Variants in SEMA3A observed in about 807,000 individuals in gnomAD.
The protein encoded by SEMA3A is semaphorin 3A.
Under a neutral mutation model 97.9 loss-of-function variants are expected in SEMA3A, and 29 were observed. That is an observed-to-expected ratio of 0.30 (90% CI 0.22 to 0.40). The LOEUF is 0.40. Ranked by LOEUF, SEMA3A falls within the 10% of genes least tolerant of loss-of-function variation. The pLI is 1.00. For synonymous variants in SEMA3A, 321 were observed against 323.7 expected, an observed-to-expected ratio of 0.99 and a Z score of 0.09; for missense variants, 763 against 951.3, an observed-to-expected ratio of 0.80 and a Z score of 2.60.
chr7:83,988,586 A>G (rs1239166169), intron 12 of SEMA3A, among the ~76,000 whole-genome samples: 1 of 152,178 alleles, frequency 6.6e-6, no homozygotes, highest in African/African-American at 2.4e-5. Flanking sequence ...AACAAATTTA[A>G]GACAATCTGT....
At chr7:84,389,305 T>G (rs900721691) in intron 1 of SEMA3A, among the ~76,000 whole-genome samples, 3 of 152,082 alleles carry the variant, frequency 2.0e-5, no homozygotes, top group Non-Finnish European at 4.4e-5. Context: ...CTTCTCCCCA[T>G]GTCAACGTGA....
intron 4 of SEMA3A, among the ~76,000 whole-genome samples, chr7:84,095,609 T>C (rs1794750976): frequency 6.6e-6 from 1 of 151,254 alleles, no homozygotes; most frequent in Non-Finnish European, 1.5e-5. Context: ...ACTAAACCTT[T>C]ATTCTAACAG....
intron 1 of SEMA3A, among the ~76,000 whole-genome samples, chr7:84,167,846 T>C (rs1010044425): frequency 6.6e-5 from 10 of 152,184 alleles, no homozygotes; most frequent in Non-Finnish European, 1.5e-4. Flanking sequence ...ATATTGAGAC[T>C]AATTTGATGT....
intron 15 of SEMA3A, among the ~76,000 whole-genome samples, chr7:83,975,709 T>C (rs1789122405): frequency 1.3e-5 from 2 of 152,172 alleles, no homozygotes. Context: ...TCCTGATTCT[T>C]TTACTTCCAG....
In SEMA3A at chr7:84,008,485, C is replaced by T. The variant is rs1409277916; in HGVS notation, c.996-988G>A. On this transcript the variant is annotated intron_variant, in intron 9 of 16. Coordinates refer to ENST00000265362, the MANE Select transcript of SEMA3A (RefSeq NM_006080.3). ...CAGCCTGGGCTACAGAACAAGACTC[C>T]GTCTCAAAAAAAAAAAAAAAAAAGA... 1.8e-4 allele frequency among the ~76,000 whole-genome samples: 19 copies of T among 108,304 alleles called. No homozygotes were observed. In the Admixed American group the frequency reaches 2.0e-3, roughly 11 times the overall value. The allele number at this position is 108,304 out of a possible 152,430, so 71.1% of individuals were successfully genotyped here.
chr7:84,063,199 G>C (rs1378978905), intron 4 of SEMA3A, among the ~76,000 whole-genome samples: 1 of 151,622 alleles, frequency 6.6e-6, no homozygotes, highest in African/African-American at 2.4e-5. Context: ...CAGACCTGCA[G>C]CTGAGGGTCC....
chr7:84,145,620 T>C (rs1266389220), intron 1 of SEMA3A, among the ~76,000 whole-genome samples: 1 of 152,192 alleles, frequency 6.6e-6, no homozygotes, highest in Non-Finnish European at 1.5e-5. Context: ...ATGGCTAATA[T>C]TTTTTCATTC....
intron 1 of SEMA3A, among the ~76,000 whole-genome samples, chr7:84,409,844 T>C (rs1804210656): frequency 6.6e-6 from 1 of 152,238 alleles, no homozygotes; most frequent in Non-Finnish European, 1.5e-5. Context: ...TTATAAAACT[T>C]ATGTACAAAT....
intron 2 of SEMA3A, among the ~76,000 whole-genome samples, chr7:84,344,244 T>A (rs886554709): frequency 6.6e-6 from 1 of 152,128 alleles, no homozygotes; most frequent in Non-Finnish European, 1.5e-5. Context: ...CCAGCTAATG[T>A]TGCATAACAA....
chr7:84,057,789 T>TAAATAAAG (rs1395920010), intron 5 of SEMA3A, among the ~76,000 whole-genome samples: 14 of 151,358 alleles, frequency 9.2e-5, no homozygotes, highest in Non-Finnish European at 1.3e-4. Flanking sequence ...AATAAATAAA[T>TAAATAAAG]AAAGACTGGA....
At chr7:84,166,380 T>G (rs1797206646) in intron 1 of SEMA3A, among the ~76,000 whole-genome samples, 1 of 150,948 alleles carries the variant, frequency 6.6e-6, no homozygotes, top group Admixed American at 6.6e-5. Flanking sequence ...GAGACCATCC[T>G]GGCCAACATG....
intron 3 of SEMA3A, among the ~76,000 whole-genome samples, chr7:84,261,830 C>T (rs1055399657): frequency 2.6e-5 from 4 of 152,232 alleles, no homozygotes; most frequent in African/African-American, 4.8e-5. Context: ...CGAGCAAAAC[C>T]CAGGCAAAGG....
intron 1 of SEMA3A, among the ~76,000 whole-genome samples, chr7:84,438,770 G>A (rs1177008575): frequency 1.3e-5 from 2 of 151,956 alleles, no homozygotes; most frequent in African/African-American, 4.8e-5. Flanking sequence ...AATATCATAA[G>A]GGAAATGACT....
rs1427361650 is a variant in SEMA3A at position 84,265,511 on chromosome 7, TAA to T, written c.-83+41694_-83+41695del. Among the ~76,000 whole-genome samples, 8 of 147,416 alleles carry T rather than the reference TAA, an allele frequency of 5.4e-5. No individual in the cohort carries two copies. The East Asian group carries it at 1.4e-3, about 25-fold the overall frequency. ...AAATATATTATATATCATATATATA[TAA>T]AATATATAATTTTATATATTATATA... On this transcript the variant is annotated intron_variant, in intron 3 of 3. Transcript: ENST00000424555.
At chr7:84,231,641 AG>A (rs1386473325) in intron 3 of SEMA3A, among the ~76,000 whole-genome samples, 2 of 152,030 alleles carry the variant, frequency 1.3e-5, no homozygotes, top group African/African-American at 4.8e-5. Flanking sequence ...GATGTGGTAC[AG>A]TGACAGAAAG....
At chr7:84,429,719 T>G (rs1190075299) in intron 1 of SEMA3A, among the ~76,000 whole-genome samples, 1 of 150,780 alleles carries the variant, frequency 6.6e-6, no homozygotes, top group East Asian at 2.0e-4. Flanking sequence ...GCAGATCTCT[T>G]ATCCAAGGGT....
chr7:84,075,917 T>C (rs183706401), intron 4 of SEMA3A, among the ~76,000 whole-genome samples: 1 of 152,320 alleles, frequency 6.6e-6, no homozygotes, highest in Admixed American at 6.5e-5. Context: ...TTATGGTTTA[T>C]CAATTATGAA....
intron 1 of SEMA3A, among the ~76,000 whole-genome samples, chr7:84,467,682 T>C (rs1806038509): frequency 6.6e-6 from 1 of 151,870 alleles, no homozygotes; most frequent in African/African-American, 2.4e-5. Context: ...CCCAACATCA[T>C]TAACTTTCTG....
chr7:84,117,189 T>C lies in SEMA3A; in HGVS notation c.334-6600A>G, dbSNP rs548676756. 3.3e-5 allele frequency among the ~76,000 whole-genome samples: 5 copies of C among 152,316 alleles called. No individual in the cohort carries two copies. In the East Asian group the frequency reaches 7.7e-4, roughly 23 times the overall value. ...TGTGGATATTTGTATGCAAACCATA[T>C]GTATATATCAACTTGTAGAAATAAT... On this transcript the variant is annotated intron_variant, in intron 3 of 16. Coordinates refer to ENST00000265362, the MANE Select transcript of SEMA3A (RefSeq NM_006080.3).
Sources: allele counts gnomAD v4.1 joint callset (sites outside exome capture counted in the v4.1 genomes callset), GRCh38; gene constraint gnomAD v4.1.1; transcripts MANE v1.5; gene names NCBI Gene and HGNC (gene_info 2026-07-23, HGNC 2026-07-21).